The following THRB variants were observed in gnomAD, a reference collection of about 807,000 sequenced individuals.
THRB encodes the protein thyroid hormone receptor beta.
A neutral mutation model predicts 47.8 loss-of-function variants in THRB; 12 were observed. The observed-to-expected ratio is 0.25, with a 90% CI of 0.16 to 0.41. THRB has a LOEUF of 0.41. Ranked by LOEUF, THRB falls within the 10% of genes least tolerant of loss-of-function variation. The pLI is 1.00. For synonymous variants in THRB, 218 were observed against 212.2 expected (o/e 1.03, Z -0.24); for missense variants, 348 against 589.2 (o/e 0.59, Z 4.24).
intron 3 of THRB, among the ~76,000 whole-genome samples, chr3:24,242,970 G>T (rs1430720353): frequency 6.8e-6 from 1 of 146,316 alleles, no homozygotes; most frequent in African/African-American, 2.5e-5. Context: ...GTGGGGTTTT[G>T]TTTCCTAGCT....
chr3:24,177,588 A>G (rs2041332260), intron 5 of THRB, among the ~76,000 whole-genome samples: 1 of 152,214 alleles, frequency 6.6e-6, no homozygotes, highest in South Asian at 2.1e-4. Context: ...TCATCACAGC[A>G]TTAAAAACAA....
intron 1 of THRB, among the ~76,000 whole-genome samples, chr3:24,424,898 TTAAA>T (rs1298720154): frequency 2.0e-5 from 3 of 151,956 alleles, no homozygotes; most frequent in African/African-American, 4.8e-5. Flanking sequence ...TTGCATACTG[TTAAA>T]TAAACTTCTT....
At chr3:24,131,994 T>G (rs1370284554) in intron 9 of THRB, among the ~76,000 whole-genome samples, 1 of 152,140 alleles carries the variant, frequency 6.6e-6, no homozygotes, top group Non-Finnish European at 1.5e-5. Context: ...TTCCTGTCCT[T>G]CTGGGTATGG....
intron 1 of THRB, among the ~76,000 whole-genome samples, chr3:24,416,305 T>C (rs2068727682): frequency 1.3e-5 from 2 of 151,740 alleles, no homozygotes; most frequent in African/African-American, 4.8e-5. Context: ...CAGAATAGAA[T>C]ACAGTAGCCA....
intron 1 of THRB, among the ~76,000 whole-genome samples, chr3:24,395,015 G>GT: frequency 6.6e-6 from 1 of 152,076 alleles, no homozygotes; most frequent in Non-Finnish European, 1.5e-5. Context: ...GCCCCATGAA[G>GT]TTTGTCACAT....
At chr3:24,187,603 T>C (rs138100422) in intron 5 of THRB, among the ~76,000 whole-genome samples, 117 of 152,332 alleles carry the variant, frequency 7.7e-4, no homozygotes, top group African/African-American at 2.4e-3. Flanking sequence ...AGGCACTCAA[T>C]AAACACCGAT....
At chr3:24,488,346 G>C (rs1262538757) in intron 1 of THRB, among the ~76,000 whole-genome samples, 2 of 152,230 alleles carry the variant, frequency 1.3e-5, no homozygotes, top group Non-Finnish European at 2.9e-5. Flanking sequence ...CTCGTCTGCA[G>C]TCCACTCTTA....
intron 3 of THRB, among the ~76,000 whole-genome samples, chr3:24,277,401 C>T (rs967074445): frequency 2.6e-5 from 4 of 152,244 alleles, no homozygotes; most frequent in South Asian, 2.1e-4. Context: ...ATACAGTGTA[C>T]ATCAGAATCA....
At chr3:24,305,346 T>C (rs1297393137) in intron 2 of THRB, among the ~76,000 whole-genome samples, 2 of 152,198 alleles carry the variant, frequency 1.3e-5, no homozygotes, top group African/African-American at 4.8e-5. Flanking sequence ...TAGAGGTAGC[T>C]GGCCTACATT....
At chr3:24,413,501 AAC>A (rs1362991735) in intron 1 of THRB, among the ~76,000 whole-genome samples, 1 of 151,902 alleles carries the variant, frequency 6.6e-6, no homozygotes, top group African/African-American at 2.4e-5. Flanking sequence ...GCCACTCAAT[AAC>A]AGTCTTAATA....
At chr3:24,167,438 A>G (rs2039793029) in intron 5 of THRB, among the ~76,000 whole-genome samples, 1 of 152,186 alleles carries the variant, frequency 6.6e-6, no homozygotes, top group African/African-American at 2.4e-5. Flanking sequence ...CACATACACA[A>G]TATTACAATT....
At chr3:24,434,697 A>T (rs943413378) in intron 1 of THRB, among the ~76,000 whole-genome samples, 1 of 152,222 alleles carries the variant, frequency 6.6e-6, no homozygotes, top group Non-Finnish European at 1.5e-5. Flanking sequence ...TTCCTTCACA[A>T]GAGGGTCTTG....
At position 24,323,214 on chromosome 3, in the gene THRB, C is replaced by G. The variant is rs187180761; in HGVS notation, c.-189+14086G>C. ...AGGCCCCAGGCAACCACCATTCCTACGCACGGTTTTTGGTTTTTTTTTTTT... is the reference window on the plus strand; with the variant it reads ...AGGCCCCAGGCAACCACCATTCCTAGGCACGGTTTTTGGTTTTTTTTTTTT... On this transcript the variant is annotated intron_variant, in intron 2 of 10. Coordinates refer to ENST00000646209, the MANE Select transcript of THRB (RefSeq NM_001354712.2). Among the ~76,000 whole-genome samples, 639 of 151,368 alleles carry G rather than the reference C, an allele frequency of 4.2e-3. 4 individuals are homozygous for G. Among genetic ancestry groups the G allele is most frequent in the African/African-American group, 0.015 (604 of 41,204 alleles).
At chr3:24,189,751 G>A (rs1359564292) in intron 5 of THRB, among the ~76,000 whole-genome samples, 5 of 152,096 alleles carry the variant, frequency 3.3e-5, no homozygotes, top group African/African-American at 9.7e-5. Context: ...AAAATACAGC[G>A]ATGCCTGTTT....
At chr3:24,482,540 T>TCTCTCTCC (rs1696632007) in intron 1 of THRB, among the ~76,000 whole-genome samples, 1 of 133,928 alleles carries the variant, frequency 7.5e-6, no homozygotes, top group African/African-American at 3.1e-5. Context: ...TCTGTCTCCC[T>TCTCTCTCC]CTCTCTCTCT....
chr3:24,462,059 C>A (rs1227081347), intron 1 of THRB, among the ~76,000 whole-genome samples: 3 of 151,956 alleles, frequency 2.0e-5, no homozygotes, highest in African/African-American at 7.3e-5. Flanking sequence ...GGAAATACAC[C>A]AACATTTCAA....
intron 1 of THRB, among the ~76,000 whole-genome samples, chr3:24,464,454 T>C (rs2073972253): frequency 6.6e-6 from 1 of 152,184 alleles, no homozygotes; most frequent in Non-Finnish European, 1.5e-5. Context: ...CTATTTTAAT[T>C]AGTATTTTTC....
At chr3:24,471,192 A>G (rs2074541553) in intron 1 of THRB, among the ~76,000 whole-genome samples, 1 of 152,226 alleles carries the variant, frequency 6.6e-6, no homozygotes, top group South Asian at 2.1e-4. Context: ...TGTAGAAAGC[A>G]GAAGTTTCCA....
intron 1 of THRB, chr3:24,458,418 A>C (rs929266472): frequency 3.3e-5 from 5 of 152,226 alleles, no homozygotes; most frequent in African/African-American, 1.2e-4. Context: ...GTTTACATTC[A>C]GAATAATTGC....
Sources: gnomAD v4.1 joint callset for allele counts (sites outside exome capture counted in the v4.1 genomes callset) on GRCh38, gnomAD v4.1.1 for gene constraint, MANE v1.5 for transcripts, NCBI Gene and HGNC (gene_info 2026-07-23, HGNC 2026-07-21) for gene names.